MLIP: variants seen among roughly 807,000 people sequenced by gnomAD.
The protein encoded by MLIP is muscular LMNA interacting protein.
MLIP carries 79 observed loss-of-function variants against 84.8 expected under a neutral mutation model. The ratio of observed to expected loss-of-function variants is 0.93; its 90% CI spans 0.78 to 1.12. The LOEUF is 1.12. Among genes scored for constraint, MLIP ranks in the 50% most tolerant of loss-of-function variants. The pLI, the probability that MLIP is intolerant of heterozygous loss-of-function variation, is 0.00. For missense variants in MLIP, 1,257 were observed against 1,160.6 expected (o/e 1.08, Z -1.21); for synonymous variants, 504 against 463.0 (o/e 1.09, Z -1.14).
In MLIP at chr6:54,226,516, C is replaced by T. The variant is rs74778916; in HGVS notation, c.2719-4198C>T. On this transcript the variant is annotated intron_variant, in intron 11 of 13. Transcript: ENST00000502396. ...ATGTGCTCAGAGTTTCCAAAGTGCT[C>T]TTAATTCCTGACTCTAAAATATTAG... Among the ~76,000 whole-genome samples, 1,242 of 152,064 alleles carry T rather than the reference C, an allele frequency of 8.2e-3. 18 individuals carry two copies. Among genetic ancestry groups the T allele is most frequent in the African/African-American group, 0.028 (1,163 of 41,482 alleles).
rs1772586031 is a variant in MLIP, at chr6:54,144,265, G to A, written c.2218-4791G>A. Among the ~76,000 whole-genome samples the A allele has an allele frequency of 2.0e-5, 3 of 152,318 alleles. No homozygotes were observed. In the East Asian group the frequency reaches 5.8e-4, roughly 29 times the overall value. ...AGACGTGATCACCGAGGAGCAGAAAGTGTACATGTAGAGTGATGCTCTCAT... is the reference window on the plus strand; with the variant it reads ...AGACGTGATCACCGAGGAGCAGAAAATGTACATGTAGAGTGATGCTCTCAT... On this transcript the variant is annotated intron_variant, in intron 4 of 13. Transcript: ENST00000502396.
intron 9 of MLIP, among the ~76,000 whole-genome samples, chr6:54,173,892 C>T (rs1047459825): frequency 4.0e-5 from 6 of 151,836 alleles, no homozygotes; most frequent in African/African-American, 7.2e-5. Flanking sequence ...CAACCCCCAC[C>T]ATTCCCAGCC....
At chr6:54,124,922 G>C in intron 3 of MLIP, 57 bp downstream of exon 3, 1 of 1,472,970 alleles carries the variant, frequency 6.8e-7, no homozygotes, top group Non-Finnish European at 9.0e-7. Flanking sequence ...TGCACCCTTT[G>C]TCTTGGGCGG....
intron 1 of MLIP, among the ~76,000 whole-genome samples, chr6:54,044,646 T>G (rs1287804853): frequency 2.6e-5 from 4 of 152,172 alleles, no homozygotes; most frequent in African/African-American, 9.7e-5. Flanking sequence ...GTTTTTTTTT[T>G]TTTCTTCAAC....
intron 11 of MLIP, among the ~76,000 whole-genome samples, chr6:54,209,646 G>T (rs1478964399): frequency 6.6e-6 from 1 of 152,074 alleles, no homozygotes. Context: ...TGAACAATGA[G>T]CCTCTTGAGT....
chr6:54,067,944 C>T (rs537808010), intron 1 of MLIP, among the ~76,000 whole-genome samples: 1 of 99,906 alleles, frequency 1.0e-5, no homozygotes, highest in African/African-American at 2.5e-5. Flanking sequence ...TCAAGAACAT[C>T]TGAAGCTGGG....
chr6:54,222,807 T>C (rs77627991), intron 11 of MLIP, among the ~76,000 whole-genome samples: 2,002 of 152,130 alleles, frequency 0.013, 51 homozygotes, highest in African/African-American at 0.046. Context: ...ACTGTTTTCC[T>C]TACTGACTTA....
intron 11 of MLIP, among the ~76,000 whole-genome samples, chr6:54,208,998 G>A (rs1232135696): frequency 1.3e-5 from 2 of 152,160 alleles, no homozygotes; most frequent in Non-Finnish European, 2.9e-5. Context: ...CTCATGAGAC[G>A]TGAGATCAAG....
At chr6:54,098,148 C>CTT (rs5876357) in intron 1 of MLIP, among the ~76,000 whole-genome samples, 24 of 123,854 alleles carry the variant, frequency 1.9e-4, no homozygotes, top group African/African-American at 2.9e-4. Context: ...ATTTTTCTTT[C>CTT]TTTTTTTTTT....
intron 12 of MLIP, 77 bp downstream of exon 12, chr6:54,230,994 T>C (rs1780962780): frequency 6.7e-6 from 8 of 1,198,046 alleles, no homozygotes; most frequent in Non-Finnish European, 9.7e-6. Flanking sequence ...AACTTAAATG[T>C]GGAGGAAACA....
At chr6:54,228,491 A>G (rs1447986684) in intron 11 of MLIP, among the ~76,000 whole-genome samples, 8 of 152,212 alleles carry the variant, frequency 5.3e-5, no homozygotes, top group Non-Finnish European at 4.4e-5. Context: ...CTCCCTGCCC[A>G]GCTGCCTGGG....
intron 10 of MLIP, among the ~76,000 whole-genome samples, chr6:54,190,136 C>T (rs954221774): frequency 2.0e-5 from 3 of 152,124 alleles, no homozygotes; most frequent in Non-Finnish European, 4.4e-5. Context: ...TAGTAACTTA[C>T]ATCCAAGTAG....
At chr6:54,185,620 G>T (rs1777318038) in intron 9 of MLIP, among the ~76,000 whole-genome samples, 1 of 152,056 alleles carries the variant, frequency 6.6e-6, no homozygotes, top group South Asian at 2.1e-4. Context: ...ATTGTAAAGT[G>T]AAACTTTATT....
At chr6:54,193,140 T>C (rs1298609189) in intron 10 of MLIP, among the ~76,000 whole-genome samples, 1 of 152,220 alleles carries the variant, frequency 6.6e-6, no homozygotes, top group Non-Finnish European at 1.5e-5. Flanking sequence ...TTAGAGGAGC[T>C]TGGGAGACTG....
chr6:54,057,255 A>G (rs1765714969), intron 1 of MLIP, among the ~76,000 whole-genome samples: 1 of 152,214 alleles, frequency 6.6e-6, no homozygotes, highest in South Asian at 2.1e-4. Flanking sequence ...TATGGCTGCT[A>G]CACTGGGTAG....
At chr6:54,057,354 G>C (rs969561998) in intron 1 of MLIP, among the ~76,000 whole-genome samples, 7 of 152,112 alleles carry the variant, frequency 4.6e-5, no homozygotes, top group Non-Finnish European at 1.0e-4. Flanking sequence ...ACTGCCCCAG[G>C]ATACAAAAAT....
chr6:54,176,514 C>G (rs1249198798), intron 9 of MLIP, among the ~76,000 whole-genome samples: 2 of 151,798 alleles, frequency 1.3e-5, no homozygotes, highest in African/African-American at 4.8e-5. Context: ...GATTTTCCAA[C>G]ATATTGGCAT....
intron 1 of MLIP, chr6:54,047,180 C>T (rs901154911): frequency 1.3e-5 from 2 of 152,124 alleles, no homozygotes; most frequent in African/African-American, 2.4e-5. Flanking sequence ...GAACAAAAGA[C>T]ATATTCAGTG....
At chr6:54,179,392 C>T (rs902928150) in intron 9 of MLIP, among the ~76,000 whole-genome samples, 1 of 152,106 alleles carries the variant, frequency 6.6e-6, no homozygotes, top group Non-Finnish European at 1.5e-5. Context: ...AGTTCTCACA[C>T]ATTGAATGAT....
Sources: allele counts gnomAD v4.1 joint callset (sites outside exome capture counted in the v4.1 genomes callset), GRCh38; gene constraint gnomAD v4.1.1; transcripts MANE v1.5; gene names NCBI Gene and HGNC (gene_info 2026-07-23, HGNC 2026-07-21).